The following CLIP1 variants were observed in gnomAD, a reference collection of about 807,000 sequenced individuals.
CLIP1 encodes the protein CAP-Gly domain containing linker protein 1.
CLIP1 carries 66 observed loss-of-function variants against 161.6 expected under a neutral mutation model. The observed-to-expected ratio is 0.41, with a 90% confidence interval of 0.33 to 0.50. The LOEUF (loss-of-function observed/expected upper bound fraction) is 0.50. Among genes scored for constraint, CLIP1 ranks in the 20% least tolerant of loss-of-function variants. The pLI is 0.27. For missense variants in CLIP1, 1,376 were observed against 1,702.0 expected (o/e 0.81, Z 3.37); for synonymous variants, 598 against 626.2 (o/e 0.96, Z 0.67).
rs1380570678 is a variant in CLIP1 at position 122,334,555 on chromosome 12, G to A, written c.2626+93C>T. 2.3e-5 allele frequency: 19 copies of A among 809,640 alleles called. No homozygotes were observed. The East Asian group carries it at 4.3e-4, about 18-fold the overall frequency. 50.2% of individuals were successfully genotyped at this position (809,640 alleles called of 1,614,324 possible). ...TTCCAGGAGAGTGAAATTAGGCTACGAGCAGTGTAACTCTGTGCACTCCAC... is the reference window on the plus strand; with the variant it reads ...TTCCAGGAGAGTGAAATTAGGCTACAAGCAGTGTAACTCTGTGCACTCCAC... On this transcript the variant is annotated intron_variant, in intron 13 of 25. Coordinates refer to ENST00000620786, the MANE Select transcript of CLIP1 (RefSeq NM_001247997.2).
chr12:122,313,781 G>C (rs1479890422), intron 19 of CLIP1, among the ~76,000 whole-genome samples: 1 of 152,134 alleles, frequency 6.6e-6, no homozygotes, highest in Non-Finnish European at 1.5e-5. Flanking sequence ...ACCACACTGA[G>C]GGTAGGTGAC....
At chr12:122,420,975 A>G (rs75405572) in intron 1 of CLIP1, among the ~76,000 whole-genome samples, 1 of 151,134 alleles carries the variant, frequency 6.6e-6, no homozygotes, top group Non-Finnish European at 1.5e-5. Flanking sequence ...AGACAGACAG[A>G]CAGACTAGCC....
At chr12:122,356,924 T>G (rs1056332009) in intron 5 of CLIP1, among the ~76,000 whole-genome samples, 1 of 151,990 alleles carries the variant, frequency 6.6e-6, no homozygotes, top group Non-Finnish European at 1.5e-5. Flanking sequence ...GCAGACGGAG[T>G]CTGGTTCACT....
chr12:122,294,944 T>C (rs2136354638), intron 20 of CLIP1, among the ~76,000 whole-genome samples: 1 of 151,400 alleles, frequency 6.6e-6, no homozygotes, highest in East Asian at 1.9e-4. Flanking sequence ...TAATCCCAGC[T>C]ACTCAGAAGG....
At chr12:122,290,741 G>A (rs897758720) in intron 20 of CLIP1, among the ~76,000 whole-genome samples, 7 of 152,064 alleles carry the variant, frequency 4.6e-5, no homozygotes, top group African/African-American at 1.7e-4. Flanking sequence ...AGGAAGAGAT[G>A]TTTGATATTT....
chr12:122,295,618 T>C (rs1010723273), intron 20 of CLIP1, among the ~76,000 whole-genome samples: 5 of 152,206 alleles, frequency 3.3e-5, no homozygotes, highest in Admixed American at 1.3e-4. Context: ...AGATGACTGT[T>C]AGGTCCTGTT....
intron 11 of CLIP1, 37 bp from the exon 12 acceptor site, chr12:122,336,785 A>G: frequency 1.1e-6 from 1 of 888,108 alleles, no homozygotes; most frequent in Non-Finnish European, 1.7e-6. Context: ...AAGCAAATGA[A>G]CAAAAGGAAA....
intron 19 of CLIP1, among the ~76,000 whole-genome samples, chr12:122,314,526 G>T (rs1175315415): frequency 1.3e-5 from 2 of 152,058 alleles, no homozygotes; most frequent in African/African-American, 4.8e-5. Context: ...CAGGAAAATG[G>T]AATTTTATCT....
chr12:122,361,207 C>CA (rs1158660361), intron 4 of CLIP1, 26 bp from the exon 5 acceptor site: 3 of 1,528,560 alleles, frequency 2.0e-6, no homozygotes, highest in African/African-American at 1.4e-5. Flanking sequence ...AGAACAATAA[C>CA]AAAAAACAAC....
chr12:122,364,921 T>A, intron 3 of CLIP1: 1 of 542,208 alleles, frequency 1.8e-6, no homozygotes, highest in South Asian at 1.5e-5. Context: ...AATGATGAGT[T>A]CATGTCCTTT....
chr12:122,332,578 C>T (rs964925821), intron 15 of CLIP1, among the ~76,000 whole-genome samples: 17 of 151,984 alleles, frequency 1.1e-4, no homozygotes, highest in Admixed American at 2.0e-4. Context: ...TGCACCACCA[C>T]GCCTGGCTAA....
At chr12:122,310,005 A>G (rs1951008490) in intron 19 of CLIP1, 123 bp from the exon 20 acceptor site, 3 of 1,057,242 alleles carry the variant, frequency 2.8e-6, no homozygotes, top group Non-Finnish European at 4.1e-6. Context: ...AGGATCTATA[A>G]TAACAGCAGA....
At chr12:122,350,513 C>T (rs537290943) in intron 9 of CLIP1, among the ~76,000 whole-genome samples, 6 of 152,230 alleles carry the variant, frequency 3.9e-5, no homozygotes, top group South Asian at 2.1e-4. Context: ...CATTGACAAA[C>T]GCTTGCCTCT....
intron 1 of CLIP1, among the ~76,000 whole-genome samples, chr12:122,389,618 G>A (rs926545840): frequency 6.6e-6 from 1 of 151,924 alleles, no homozygotes; most frequent in Non-Finnish European, 1.5e-5. Context: ...AATTAGCCGG[G>A]CGTGGTGGTG....
chr12:122,287,343 G>C (rs1163641647), intron 21 of CLIP1, among the ~76,000 whole-genome samples: 1 of 152,136 alleles, frequency 6.6e-6, no homozygotes, highest in African/African-American at 2.4e-5. Flanking sequence ...TAAAACATAC[G>C]CTTCAGTAGG....
chr12:122,322,934 A>T (rs1951569063), intron 17 of CLIP1: 1 of 152,614 alleles, frequency 6.6e-6, no homozygotes, highest in Non-Finnish European at 1.5e-5. Context: ...AGCCTCTTTC[A>T]GCATCAAAGA....
chr12:122,390,282 A>ACG (rs148569041), intron 1 of CLIP1, among the ~76,000 whole-genome samples: 1 of 31,108 alleles, frequency 3.2e-5, no homozygotes, highest in Non-Finnish European at 1.0e-4. Context: ...ATATATACAT[A>ACG]TATATATATA....
intron 1 of CLIP1, among the ~76,000 whole-genome samples, chr12:122,408,858 G>A (rs1378117144): frequency 1.3e-5 from 2 of 151,788 alleles, no homozygotes; most frequent in Non-Finnish European, 1.5e-5. Context: ...TCTCCACTCT[G>A]TCACCCAGGG....
In CLIP1 at chr12:122,293,729, C is replaced by T. The variant is rs190005468; in HGVS notation, c.3595-5188G>A. ...CTGACCTCAGGTGATCCGCCCGCCT[C>T]GGCCTCCCAAAGTGCTGGGATTACA... On this transcript the variant is annotated intron_variant, in intron 20 of 25. Coordinates refer to ENST00000620786, the MANE Select transcript of CLIP1 (RefSeq NM_001247997.2). Among the ~76,000 whole-genome samples, 497 of 151,954 alleles carry T rather than the reference C, an allele frequency of 3.3e-3. 4 individuals are homozygous for T. The highest frequency in any genetic ancestry group is 0.011 in the African/African-American group (475 of 41,484).
Sources: allele counts gnomAD v4.1 joint callset (sites outside exome capture counted in the v4.1 genomes callset), GRCh38; gene constraint gnomAD v4.1.1; transcripts MANE v1.5; gene names NCBI Gene and HGNC (gene_info 2026-07-23, HGNC 2026-07-21).